The following LTBP1 variants were observed in gnomAD, a reference collection of about 807,000 sequenced individuals.
The protein encoded by LTBP1 is latent-transforming growth factor beta-binding protein 1.
In LTBP1, 129 loss-of-function variants were observed where a neutral mutation model predicts 207.6. That is an observed-to-expected ratio of 0.62 (90% CI 0.54 to 0.72). The LOEUF is 0.72. LTBP1 is among the 30% of genes least tolerant of loss of function. The probability of loss-of-function intolerance (pLI) is 0.00; values close to 1 mark genes in which losing one functional copy is unlikely to be tolerated. For missense variants in LTBP1, 2,281 were observed against 2,217.2 expected, an observed-to-expected ratio of 1.03 and a Z score of -0.58; for synonymous variants, 963 against 833.7, an observed-to-expected ratio of 1.16 and a Z score of -2.67.
chr2:33,304,205 T>C (rs1355306870), intron 22 of LTBP1, among the ~76,000 whole-genome samples: 1 of 152,188 alleles, frequency 6.6e-6, no homozygotes, highest in East Asian at 1.9e-4. Context: ...AGGACTAGTT[T>C]CTCTAGTGTA....
chr2:33,079,351 A>C (rs1030354097), intron 3 of LTBP1, among the ~76,000 whole-genome samples: 13 of 152,188 alleles, frequency 8.5e-5, no homozygotes, highest in Non-Finnish European at 1.9e-4. Flanking sequence ...GGATGGAAGA[A>C]GCTTTCTGGA....
intron 5 of LTBP1, among the ~76,000 whole-genome samples, chr2:33,182,831 A>G (rs551562560): frequency 8.6e-5 from 13 of 151,176 alleles, no homozygotes; most frequent in African/African-American, 2.9e-4. Flanking sequence ...TTAAAAATCA[A>G]TTTAAAAATG....
intron 2 of LTBP1, among the ~76,000 whole-genome samples, chr2:32,968,727 C>CTTT (rs1431607859): frequency 7.3e-6 from 1 of 136,816 alleles, no homozygotes; most frequent in Non-Finnish European, 1.6e-5. Context: ...TTTTTCCTGC[C>CTTT]TTTTTTTTTT....
intron 5 of LTBP1, among the ~76,000 whole-genome samples, chr2:33,158,534 AT>A (rs1482634457): frequency 1.3e-5 from 2 of 152,186 alleles, no homozygotes; most frequent in Non-Finnish European, 2.9e-5. Context: ...GGGGTGACTT[AT>A]AGTTCCCTGG....
chr2:33,271,632 T>C (rs2093323913), intron 15 of LTBP1, among the ~76,000 whole-genome samples: 1 of 152,154 alleles, frequency 6.6e-6, no homozygotes. Context: ...ATGCTTAGTG[T>C]AAAAATTTTA....
chr2:33,075,015 C>T (rs2078006625), intron 3 of LTBP1, among the ~76,000 whole-genome samples: 1 of 152,146 alleles, frequency 6.6e-6, no homozygotes, highest in South Asian at 2.1e-4. Flanking sequence ...CACACCACTG[C>T]ACTCCAGCCT....
chr2:33,188,987 T>C, intron 7 of LTBP1, 136 bp downstream of exon 7: 1 of 1,035,390 alleles, frequency 9.7e-7, no homozygotes, highest in Non-Finnish European at 1.4e-6. Context: ...CATATTTTTG[T>C]AAATAAAGTT....
chr2:33,379,500 G>A (rs1422843283), intron 31 of LTBP1, among the ~76,000 whole-genome samples: 4 of 152,152 alleles, frequency 2.6e-5, no homozygotes, highest in African/African-American at 4.8e-5. Flanking sequence ...ATGAGCCACC[G>A]TGCCCGGCCC....
intron 2 of LTBP1, among the ~76,000 whole-genome samples, chr2:33,007,170 T>C (rs1213999486): frequency 6.6e-6 from 1 of 152,210 alleles, no homozygotes; most frequent in Non-Finnish European, 1.5e-5. Context: ...GTTCAAGTGA[T>C]TCTCTTGCCT....
intron 3 of LTBP1, among the ~76,000 whole-genome samples, chr2:33,031,689 G>C (rs558167354): frequency 6.6e-6 from 1 of 152,192 alleles, no homozygotes; most frequent in Non-Finnish European, 1.5e-5. Context: ...ACAGGTGGAC[G>C]ATAGGGTGGG....
At chr2:33,372,894 G>C (rs578208261) in intron 31 of LTBP1, among the ~76,000 whole-genome samples, 3 of 152,290 alleles carry the variant, frequency 2.0e-5, no homozygotes, top group African/African-American at 7.2e-5. Flanking sequence ...AAATGTTCTG[G>C]AAAATGTACG....
intron 7 of LTBP1, among the ~76,000 whole-genome samples, chr2:33,191,850 T>A (rs2087923909): frequency 6.6e-6 from 1 of 152,356 alleles, no homozygotes; most frequent in East Asian, 1.9e-4. Flanking sequence ...TGTTTATATG[T>A]TGCTATGAGA....
In LTBP1 at chr2:33,342,968, G is replaced by A. The variant is rs778806238; in HGVS notation, c.3856+5G>A. ...AGGATGGGCAAGGGTGTGTGGGTGA[G>A]TTTTTAGATTTTTTCCCAACGTGTT... On this transcript the variant is annotated splice_donor_5th_base_variant and intron_variant, in intron 25 of 33. Transcript: ENST00000404816. 2 of 1,606,812 alleles carry A rather than the reference G, an allele frequency of 1.2e-6. No homozygotes were observed. The highest frequency in any genetic ancestry group is 1.7e-6 in the Non-Finnish European group (2 of 1,176,512).
At chr2:33,165,035 G>A (rs970871571) in intron 5 of LTBP1, among the ~76,000 whole-genome samples, 1 of 152,190 alleles carries the variant, frequency 6.6e-6, no homozygotes, top group African/African-American at 2.4e-5. Context: ...CAGGAGGATG[G>A]CATGTGCGTT....
chr2:33,293,902 A>G (rs78663314), intron 20 of LTBP1, among the ~76,000 whole-genome samples: 2,212 of 150,376 alleles, frequency 0.015, 22 homozygotes, highest in East Asian at 0.026. Context: ...ATATTCTAGT[A>G]TATTCCTATA....
Position 33,196,764 on chromosome 2 carries a change from C to G in LTBP1, c.1701+7913C>G, listed in dbSNP as rs147917456. Among the ~76,000 whole-genome samples, 232 of 152,256 alleles carry G rather than the reference C, an allele frequency of 1.5e-3. 1 individual carries two copies. The highest frequency in any genetic ancestry group is 5.5e-3 in the African/African-American group (229 of 41,546). ...GCAATGACATCTTTGTTACAAGCAG[C>G]CTCATCCTTGATTAATATTAGGAAG... On this transcript the variant is annotated intron_variant, in intron 7 of 33. Coordinates refer to ENST00000404816, the MANE Select transcript of LTBP1 (RefSeq NM_206943.4).
chr2:33,118,871 G>A (rs2080939592), intron 4 of LTBP1, among the ~76,000 whole-genome samples: 1 of 152,116 alleles, frequency 6.6e-6, no homozygotes, highest in East Asian at 1.9e-4. Context: ...TTTGCCCCCT[G>A]ATAGGCCACA....
chr2:33,164,211 T>C (rs1404130409), intron 5 of LTBP1, among the ~76,000 whole-genome samples: 1 of 151,032 alleles, frequency 6.6e-6, no homozygotes, highest in Non-Finnish European at 1.5e-5. Context: ...TAGCTGGGTG[T>C]GGTGGTGCAT....
At chr2:33,354,848 C>T (rs1189964026) in intron 26 of LTBP1, among the ~76,000 whole-genome samples, 1 of 152,128 alleles carries the variant, frequency 6.6e-6, no homozygotes, top group African/African-American at 2.4e-5. Context: ...TTAAGTGATC[C>T]TCCCACCTCA....
Sources: allele counts gnomAD v4.1 joint callset (sites outside exome capture counted in the v4.1 genomes callset), GRCh38; gene constraint gnomAD v4.1.1; transcripts MANE v1.5; gene names NCBI Gene and HGNC (gene_info 2026-07-23, HGNC 2026-07-21).